CACNA2D3: variants seen among roughly 807,000 people sequenced by gnomAD.
The protein encoded by CACNA2D3 is voltage-dependent calcium channel subunit alpha-2/delta-3.
A neutral mutation model predicts 160.6 loss-of-function variants in CACNA2D3; 60 were observed. The observed-to-expected ratio is 0.37, with a 90% CI of 0.30 to 0.46. CACNA2D3 has a LOEUF of 0.46. Among genes scored for constraint, CACNA2D3 ranks in the 20% least tolerant of loss-of-function variants. The pLI is 1.00. For missense variants in CACNA2D3, 1,205 were observed against 1,365.0 expected, an observed-to-expected ratio of 0.88 and a Z score of 1.85; for synonymous variants, 558 against 492.9, an observed-to-expected ratio of 1.13 and a Z score of -1.75.
intron 11 of CACNA2D3, among the ~76,000 whole-genome samples, chr3:54,739,739 T>C (rs1216825312): frequency 1.4e-5 from 2 of 143,914 alleles, no homozygotes; most frequent in South Asian, 2.3e-4. Flanking sequence ...TGACAGGCCC[T>C]TCTCCTCATA....
intron 12 of CACNA2D3, among the ~76,000 whole-genome samples, chr3:54,763,810 T>TAC (rs1224439029): frequency 2.6e-4 from 4 of 15,108 alleles, no homozygotes; most frequent in African/African-American, 8.6e-4. Flanking sequence ...TACATATATA[T>TAC]ACATATATAT....
At chr3:54,517,529 CCACAGGCTGTGCCCACCTGCTG>C (rs1701571974) in intron 5 of CACNA2D3, among the ~76,000 whole-genome samples, 1 of 152,350 alleles carries the variant, frequency 6.6e-6, no homozygotes, top group Admixed American at 6.5e-5. Context: ...GCATCGCAGA[CCACAGGCTGTGCCCACCTGCTG>C]CACAGGCTGT....
intron 3 of CACNA2D3, among the ~76,000 whole-genome samples, chr3:54,378,161 C>T (rs1057075484): frequency 2.0e-5 from 3 of 152,168 alleles, no homozygotes; most frequent in African/African-American, 2.4e-5. Context: ...TTCAGGTCAG[C>T]GGTCCCCAAC....
intron 5 of CACNA2D3, among the ~76,000 whole-genome samples, chr3:54,558,559 A>T (rs7632795): frequency 0.76 from 115,753 of 151,930 alleles, 44,861 homozygotes; most frequent in Non-Finnish European, 0.82. Context: ...TTTGATCCTC[A>T]CCCTCCTCCC....
At chr3:54,787,067 A>T (rs1168046212) in intron 13 of CACNA2D3, among the ~76,000 whole-genome samples, 1 of 152,204 alleles carries the variant, frequency 6.6e-6, no homozygotes, top group African/African-American at 2.4e-5. Context: ...TACCATTCCC[A>T]CATGTTTCAG....
chr3:54,193,864 G>T lies in CACNA2D3; in HGVS notation c.204+70270G>T. ...GCAGTGGGCAAGTCATTGCTTCTCT[G>T]TGCCTCAATTTTCTCACCTGCAAAA... is the stretch of plus-strand genomic sequence containing the variant. On this transcript the variant is annotated intron_variant, in intron 2 of 37. Transcript: ENST00000474759. Among the ~76,000 whole-genome samples, 2 of 152,154 alleles carry T rather than the reference G, an allele frequency of 1.3e-5. 1 individual carries two copies. The highest frequency in any genetic ancestry group is 2.9e-5 in the Non-Finnish European group (2 of 68,036).
At chr3:54,335,285 T>C (rs1047043324) in intron 3 of CACNA2D3, among the ~76,000 whole-genome samples, 3 of 152,204 alleles carry the variant, frequency 2.0e-5, no homozygotes, top group African/African-American at 7.2e-5. Flanking sequence ...TAAAGTAAAG[T>C]GAAAGCAAGT....
chr3:54,325,052 G>A (rs1398004575), intron 3 of CACNA2D3, among the ~76,000 whole-genome samples: 1 of 152,152 alleles, frequency 6.6e-6, no homozygotes, highest in Admixed American at 6.5e-5. Flanking sequence ...TTGGTTATAT[G>A]GACAGGCTGC....
chr3:55,002,770 G>A (rs571576345), intron 31 of CACNA2D3, among the ~76,000 whole-genome samples: 1 of 152,330 alleles, frequency 6.6e-6, no homozygotes, highest in Admixed American at 6.5e-5. Flanking sequence ...AGTGCTGTGT[G>A]ATGCTGCTGG....
intron 17 of CACNA2D3, among the ~76,000 whole-genome samples, chr3:54,869,076 G>A (rs1226352905): frequency 6.6e-6 from 1 of 152,172 alleles, no homozygotes; most frequent in Non-Finnish European, 1.5e-5. Flanking sequence ...GGTGTGACAC[G>A]GCAGAGCCAC....
intron 11 of CACNA2D3, among the ~76,000 whole-genome samples, chr3:54,740,784 G>C (rs1418504871): frequency 6.6e-6 from 1 of 152,184 alleles, no homozygotes; most frequent in Non-Finnish European, 1.5e-5. Flanking sequence ...AGGGAGGATG[G>C]GTTGGGAAAA....
At chr3:54,980,107 A>G (rs1214630154) in intron 29 of CACNA2D3, among the ~76,000 whole-genome samples, 2 of 152,208 alleles carry the variant, frequency 1.3e-5, no homozygotes. Flanking sequence ...TATGATTTTT[A>G]TACCAAATAA....
intron 4 of CACNA2D3, among the ~76,000 whole-genome samples, chr3:54,404,525 C>T (rs1699535467): frequency 1.3e-5 from 2 of 152,128 alleles, no homozygotes; most frequent in South Asian, 4.1e-4. Context: ...CAGCTGGCAT[C>T]ATAATCAATG....
intron 2 of CACNA2D3, among the ~76,000 whole-genome samples, chr3:54,248,143 C>T (rs1310481611): frequency 6.6e-6 from 1 of 152,022 alleles, no homozygotes. Context: ...GAGATAGGGT[C>T]TTTTAGAAGG....
At chr3:54,993,909 TGTG>T (rs1419683128) in intron 31 of CACNA2D3, among the ~76,000 whole-genome samples, 4 of 148,910 alleles carry the variant, frequency 2.7e-5, no homozygotes, top group African/African-American at 1.0e-4. Flanking sequence ...TGTGTGTGTG[TGTG>T]TGTGTGTGTT....
intron 2 of CACNA2D3, among the ~76,000 whole-genome samples, chr3:54,182,115 A>C (rs1700795508): frequency 6.6e-6 from 1 of 152,200 alleles, no homozygotes; most frequent in Non-Finnish European, 1.5e-5. Flanking sequence ...AAATAATTTT[A>C]ATGCAAATAC....
chr3:55,052,304 T>A (rs1291498011), intron 35 of CACNA2D3, among the ~76,000 whole-genome samples: 1 of 152,202 alleles, frequency 6.6e-6, no homozygotes, highest in East Asian at 1.9e-4. Context: ...ATTCTTTGTA[T>A]AATTTTAATT....
intron 3 of CACNA2D3, among the ~76,000 whole-genome samples, chr3:54,361,306 C>T (rs1270307329): frequency 6.6e-6 from 1 of 151,866 alleles, no homozygotes; most frequent in South Asian, 2.1e-4. Flanking sequence ...GGGTATCATG[C>T]CCAGGTCAAA....
intron 11 of CACNA2D3, among the ~76,000 whole-genome samples, chr3:54,683,848 C>G (rs772370378): frequency 1.3e-5 from 2 of 151,858 alleles, no homozygotes; most frequent in Non-Finnish European, 2.9e-5. Context: ...CTCCTAGCTT[C>G]TAGTGGTTGC....
Sources: allele counts gnomAD v4.1 joint callset (sites outside exome capture counted in the v4.1 genomes callset), GRCh38; gene constraint gnomAD v4.1.1; transcripts MANE v1.5; gene names NCBI Gene and HGNC (gene_info 2026-07-23, HGNC 2026-07-21).